Variants in COA1 observed in about 807,000 individuals in gnomAD.
COA1 encodes cytochrome c oxidase assembly factor 1.
In COA1, 13 loss-of-function variants were observed where a neutral mutation model predicts 16.0. That is an observed-to-expected ratio of 0.81 (90% CI 0.53 to 1.29). The LOEUF (loss-of-function observed/expected upper bound fraction) is 1.29, where lower values mean the gene tolerates loss of function less well. Among genes scored for constraint, COA1 ranks in the 50% most tolerant of loss-of-function variants. COA1 has a pLI of 0.00. For missense variants in COA1, 179 were observed against 177.0 expected, an observed-to-expected ratio of 1.01 and a Z score of -0.06; for synonymous variants, 65 against 65.7, an observed-to-expected ratio of 0.99 and a Z score of 0.05.
chr7:43,638,621 G>A (rs1280107666), downstream of COA1, among the ~76,000 whole-genome samples: 1 of 137,652 alleles, frequency 7.3e-6, no homozygotes, highest in African/African-American at 2.9e-5. Context: ...TGTTGCCCAG[G>A]CTGGAGTGCA....
chr7:43,615,852 C>G (rs1035095458), intron 6 of COA1, among the ~76,000 whole-genome samples: 5 of 152,200 alleles, frequency 3.3e-5, no homozygotes, highest in African/African-American at 1.2e-4. Flanking sequence ...CTGTGACTGG[C>G]TCTTTTTTAA....
At chr7:43,664,128 A>AGAGAGAGAGAGAGAGAGAGT (rs963621045) in intron 1 of COA1, among the ~76,000 whole-genome samples, 2 of 147,932 alleles carry the variant, frequency 1.4e-5, no homozygotes, top group Non-Finnish European at 3.0e-5. Context: ...AGAGAGAGAG[A>AGAGAGAGAGAGAGAGAGAGT]GAGTCTTGCT....
chr7:43,654,842 A>G (rs1291106665), intron 1 of COA1, among the ~76,000 whole-genome samples: 1 of 152,256 alleles, frequency 6.6e-6, no homozygotes, highest in Non-Finnish European at 1.5e-5. Flanking sequence ...CCCAAAAGGT[A>G]TACCAACAAA....
intron 1 of COA1, among the ~76,000 whole-genome samples, chr7:43,723,504 G>A (rs2095551110): frequency 6.6e-6 from 1 of 152,152 alleles, no homozygotes; most frequent in South Asian, 2.1e-4. Flanking sequence ...CATCCAAATG[G>A]AGCAGTAGTA....
intron 4 of COA1, chr7:43,640,911 A>G: frequency 5.5e-6 from 2 of 363,828 alleles, no homozygotes; most frequent in South Asian, 8.2e-5. Flanking sequence ...GGTACTTCCA[A>G]TGATCGCTCA....
chr7:43,703,187 T>G (rs556387024), intron 1 of COA1, among the ~76,000 whole-genome samples: 2 of 152,326 alleles, frequency 1.3e-5, no homozygotes, highest in South Asian at 2.1e-4. Flanking sequence ...TTTATTGCAC[T>G]GTGGTCTGAC....
At chr7:43,645,731 C>T (rs889326946) in intron 3 of COA1, 7 of 214,500 alleles carry the variant, frequency 3.3e-5, no homozygotes, top group Non-Finnish European at 5.8e-5. Flanking sequence ...AGTTTCCTCT[C>T]AAGTCTCTAA....
At chr7:43,624,823 CAGG>C (rs1186313124) in intron 6 of COA1, 2 of 1,601,854 alleles carry the variant, frequency 1.2e-6, no homozygotes, top group Admixed American at 1.7e-5. Flanking sequence ...CAAGAAATTC[CAGG>C]AGAATTTATC....
At chr7:43,699,762 G>A (rs1451339050) in intron 1 of COA1, among the ~76,000 whole-genome samples, 1 of 152,162 alleles carries the variant, frequency 6.6e-6, no homozygotes, top group East Asian at 1.9e-4. Context: ...TATCTTAGAA[G>A]TTATGGCCAA....
Position 43,725,877 on chromosome 7 carries a change from T to C in COA1, c.-39+3552A>G, listed in dbSNP as rs1184151609. ...TCCATCTCAAAAAATATATATATTA[T>C]ATATATACTATATATATTACTACTA... On this transcript the variant is annotated intron_variant, in intron 1 of 5. Transcript: ENST00000223336. 3.3e-5 allele frequency among the ~76,000 whole-genome samples: 5 copies of C among 149,806 alleles called. No homozygotes were observed. In the East Asian group the frequency reaches 7.8e-4, roughly 23 times the overall value.
In COA1 at chr7:43,640,600, T is replaced by C. The variant is rs756893247; in HGVS notation, c.314A>G (p.His105Arg). 1.2e-6 allele frequency: 2 copies of C among 1,608,714 alleles called. No homozygotes were observed. The highest frequency in any genetic ancestry group is 4.5e-5 in the East Asian group (2 of 44,456). Residue 105 changes from histidine (H) to arginine (R), a missense_variant, in exon 5 of 6, where the codon CAC (histidine) becomes CGC (arginine). Physicochemically the swap from His to Arg is conservative, Grantham distance 29. Transcript: ENST00000223336. ...GSKSEGLLYV[H>R]SSRGGPFQRW... ...CTGAAAGGGGCCACCTCTGGATGAG[T>C]GGACGTAGAGAAGGCCCTCTGATTT...
intron 1 of COA1, among the ~76,000 whole-genome samples, chr7:43,710,369 A>ATATATATATAT (rs1391806809): frequency 1.0e-5 from 1 of 99,558 alleles, no homozygotes; most frequent in Non-Finnish European, 2.1e-5. Flanking sequence ...AAAAAAAAAA[A>ATATATATATAT]AAAAAAATAT....
chr7:43,625,036 G>A, intron 6 of COA1: 3 of 458,086 alleles, frequency 6.5e-6, no homozygotes, highest in South Asian at 8.0e-5. Flanking sequence ...GATTTAACAG[G>A]TACAGTTACC....
At chr7:43,650,492 C>G (rs2153106566) in intron 1 of COA1, 1 of 152,278 alleles carries the variant, frequency 6.6e-6, no homozygotes, top group African/African-American at 2.4e-5. Context: ...ATAGGACATA[C>G]TGTCATTCAC....
At chr7:43,724,485 AG>A (rs757239454) in intron 1 of COA1, among the ~76,000 whole-genome samples, 76 of 151,774 alleles carry the variant, frequency 5.0e-4, no homozygotes, top group Non-Finnish European at 8.1e-4. Context: ...CAGGAGGCAG[AG>A]GTTGCAGTGA....
chr7:43,667,296 C>T (rs547066671), intron 1 of COA1, among the ~76,000 whole-genome samples: 2 of 152,080 alleles, frequency 1.3e-5, no homozygotes, highest in Non-Finnish European at 2.9e-5. Flanking sequence ...TTGGATGGTT[C>T]AGAAGGTCCC....
downstream of COA1, among the ~76,000 whole-genome samples, chr7:43,634,667 TC>T (rs1226361231): frequency 4.6e-5 from 7 of 152,138 alleles, no homozygotes; most frequent in Non-Finnish European, 1.0e-4. Flanking sequence ...AGGTCTAGGC[TC>T]CCCACTTGGC....
At chr7:43,646,337 G>A in intron 3 of COA1, 1 of 329,440 alleles carries the variant, frequency 3.0e-6, no homozygotes, top group Admixed American at 3.8e-5. Context: ...CTATGGCTAG[G>A]CACTGTTCTC....
chr7:43,716,029 G>A lies in COA1; in HGVS notation c.-39+13400C>T, dbSNP rs1418520975. On this transcript the variant is annotated intron_variant, in intron 1 of 5. Coordinates refer to ENST00000223336, the MANE Select transcript of COA1 (RefSeq NM_018224.4). ...TCCTTGCCTTCTGCCATGATTGTGA[G>A]GCTTCCCCAGCCACATGGAACTGTA... is the stretch of plus-strand genomic sequence containing the variant. Among the ~76,000 whole-genome samples the A allele has an allele frequency of 3.3e-5, 5 of 152,220 alleles. No homozygotes were observed. In the East Asian group the frequency reaches 9.6e-4, roughly 29 times the overall value.
Sources: gnomAD v4.1 joint callset for allele counts (sites outside exome capture counted in the v4.1 genomes callset) on GRCh38, gnomAD v4.1.1 for gene constraint, MANE v1.5 for transcripts, NCBI Gene and HGNC (gene_info 2026-07-23, HGNC 2026-07-21) for gene names.